The following WWOX variants were observed in gnomAD, a reference collection of about 807,000 sequenced individuals.
WWOX encodes the protein WW domain containing oxidoreductase.
Under a neutral mutation model 46.2 loss-of-function variants are expected in WWOX, and 69 were observed. That is an observed-to-expected ratio of 1.49 (90% CI 1.23 to 1.82). The LOEUF is 1.82. Ranked by LOEUF, WWOX falls within the 40% of genes most tolerant of loss-of-function variation. The pLI is 0.00. For synonymous variants in WWOX, 359 were observed against 202.6 expected (o/e 1.77, Z -6.56); for missense variants, 919 against 542.6 (o/e 1.69, Z -6.89).
Position 78,678,339 on chromosome 16 carries a change from G to A in WWOX, c.1056+245587G>A, listed in dbSNP as rs1041597140. ...TGCAGTAGGGTATGAGCGGGCCACT[G>A]CACTTCAGCCTGGGCAACAGAGCGA... On this transcript the variant is annotated intron_variant, in intron 8 of 8. Transcript: ENST00000566780. Among the ~76,000 whole-genome samples, 38 of 152,304 alleles carry A rather than the reference G, an allele frequency of 2.5e-4. 1 individual carries two copies. The highest frequency in any genetic ancestry group is 8.9e-4 in the African/African-American group (37 of 41,580).
intron 8 of WWOX, among the ~76,000 whole-genome samples, chr16:78,571,524 C>G (rs780183417): frequency 7.2e-5 from 11 of 152,238 alleles, no homozygotes; most frequent in East Asian, 1.9e-4. Flanking sequence ...TACAAACTGT[C>G]CTATAAAGAA....
At chr16:79,038,894 G>A (rs1375373612) in intron 8 of WWOX, among the ~76,000 whole-genome samples, 3 of 152,142 alleles carry the variant, frequency 2.0e-5, no homozygotes, top group African/African-American at 4.8e-5. Context: ...TTAAAAAGAT[G>A]TAAAGCATAC....
At chr16:78,338,208 A>G (rs947882749) in intron 5 of WWOX, among the ~76,000 whole-genome samples, 1 of 120,946 alleles carries the variant, frequency 8.3e-6, no homozygotes, top group Non-Finnish European at 2.0e-5. Flanking sequence ...AATTAAATAA[A>G]GCAGCATGCA....
At chr16:79,091,810 C>G (rs1390428163) in intron 8 of WWOX, among the ~76,000 whole-genome samples, 1 of 113,896 alleles carries the variant, frequency 8.8e-6, no homozygotes, top group African/African-American at 3.6e-5. Flanking sequence ...GAGACGGAGT[C>G]TAGCTCTGTC....
chr16:78,733,914 C>T (rs180952169), intron 8 of WWOX, among the ~76,000 whole-genome samples: 7 of 151,852 alleles, frequency 4.6e-5, no homozygotes, highest in East Asian at 1.9e-4. Context: ...AAAAATAAAA[C>T]AGCTAGGCAT....
intron 5 of WWOX, among the ~76,000 whole-genome samples, chr16:78,193,405 T>C (rs1160522818): frequency 2.6e-5 from 4 of 152,118 alleles, no homozygotes; most frequent in African/African-American, 9.7e-5. Context: ...GTTGAAAATT[T>C]CAAAAGGGAA....
intron 8 of WWOX, among the ~76,000 whole-genome samples, chr16:78,859,097 G>A (rs369635863): frequency 1.4e-4 from 18 of 130,000 alleles, no homozygotes; most frequent in South Asian, 8.0e-4. Context: ...AACGATTTCA[G>A]TTGCACAACT....
chr16:79,128,138 G>T (rs543347468), intron 8 of WWOX, among the ~76,000 whole-genome samples: 2 of 152,116 alleles, frequency 1.3e-5, no homozygotes, highest in Non-Finnish European at 2.9e-5. Context: ...GAGAAGAAGA[G>T]ATTTAAGAAG....
chr16:78,265,454 G>A (rs1409726856), intron 5 of WWOX, among the ~76,000 whole-genome samples: 5 of 152,082 alleles, frequency 3.3e-5, no homozygotes, highest in African/African-American at 4.8e-5. Context: ...GCTGAGGCAG[G>A]TGGATCATGA....
chr16:78,351,178 G>C (rs1288999779), intron 5 of WWOX, among the ~76,000 whole-genome samples: 1 of 152,138 alleles, frequency 6.6e-6, no homozygotes, highest in Non-Finnish European at 1.5e-5. Context: ...CATACCAAGA[G>C]CTTACAGAGA....
chr16:78,605,538 A>C (rs1409687877), intron 8 of WWOX, among the ~76,000 whole-genome samples: 1 of 152,166 alleles, frequency 6.6e-6, no homozygotes, highest in East Asian at 1.9e-4. Context: ...TGCTAACTGA[A>C]GAATGGAAAA....
At chr16:78,713,628 T>C (rs911655431) in intron 8 of WWOX, among the ~76,000 whole-genome samples, 1 of 152,130 alleles carries the variant, frequency 6.6e-6, no homozygotes, top group South Asian at 2.1e-4. Context: ...TTCATATGCA[T>C]GGAGGAAAGA....
intron 8 of WWOX, among the ~76,000 whole-genome samples, chr16:78,628,008 G>C (rs1477582485): frequency 2.0e-5 from 3 of 152,208 alleles, no homozygotes; most frequent in Admixed American, 6.5e-5. Context: ...TCAGGACCAG[G>C]GGTGAAGAGT....
chr16:78,814,684 C>G (rs1243820446), intron 8 of WWOX, among the ~76,000 whole-genome samples: 1 of 152,196 alleles, frequency 6.6e-6, no homozygotes, highest in Non-Finnish European at 1.5e-5. Context: ...CATCCAGGGT[C>G]AAGGTTTTCC....
chr16:79,211,162 A>G (rs1359486878), intron 8 of WWOX, among the ~76,000 whole-genome samples: 2 of 152,058 alleles, frequency 1.3e-5, no homozygotes, highest in Non-Finnish European at 2.9e-5. Context: ...TTTCTACCTG[A>G]TGGACCACAA....
At chr16:78,181,521 G>A (rs982498058) in intron 5 of WWOX, among the ~76,000 whole-genome samples, 6 of 152,176 alleles carry the variant, frequency 3.9e-5, no homozygotes, top group African/African-American at 1.4e-4. Context: ...AAGCCTTAAT[G>A]AAACTAAGGC....
chr16:78,822,459 A>T (rs983242320), intron 8 of WWOX, among the ~76,000 whole-genome samples: 3 of 146,226 alleles, frequency 2.1e-5, no homozygotes, highest in South Asian at 2.3e-4. Flanking sequence ...GCGCCAGTGT[A>T]CTCCAGCCTG....
chr16:78,665,631 T>C (rs557993062), intron 8 of WWOX, among the ~76,000 whole-genome samples: 1 of 152,036 alleles, frequency 6.6e-6, no homozygotes. Flanking sequence ...GTCCTAGTGG[T>C]AGGACAAAAG....
At chr16:78,643,823 C>T (rs2046779399) in intron 8 of WWOX, among the ~76,000 whole-genome samples, 1 of 115,506 alleles carries the variant, frequency 8.7e-6, no homozygotes, top group South Asian at 2.7e-4. Context: ...AGCCCCCTAA[C>T]TCCAAAAAAA....
Sources: allele counts gnomAD v4.1 joint callset (sites outside exome capture counted in the v4.1 genomes callset), GRCh38; gene constraint gnomAD v4.1.1; transcripts MANE v1.5; gene names NCBI Gene and HGNC (gene_info 2026-07-23, HGNC 2026-07-21).